ADAMTSL1: variants seen among roughly 807,000 people sequenced by gnomAD.
ADAMTSL1 encodes ADAMTS-like protein 1.
Under a neutral mutation model 201.8 loss-of-function variants are expected in ADAMTSL1, and 126 were observed. That is an observed-to-expected ratio of 0.62 (90% CI 0.54 to 0.72). The LOEUF is 0.72. Ranked by LOEUF, ADAMTSL1 falls within the 30% of genes least tolerant of loss-of-function variation. The probability of loss-of-function intolerance (pLI) is 0.00; values close to 1 mark genes in which losing one functional copy is unlikely to be tolerated. For synonymous variants in ADAMTSL1, 1,121 were observed against 903.4 expected, an observed-to-expected ratio of 1.24 and a Z score of -4.32; for missense variants, 2,679 against 2,277.8, an observed-to-expected ratio of 1.18 and a Z score of -3.59.
intron 2 of ADAMTSL1, among the ~76,000 whole-genome samples, chr9:18,517,989 C>T (rs944840212): frequency 6.6e-6 from 1 of 152,056 alleles, no homozygotes; most frequent in African/African-American, 2.4e-5. Flanking sequence ...TTTGTTCTTT[C>T]CTTCCCTCCT....
At chr9:18,196,626 C>T (rs1829194392) in intron 2 of ADAMTSL1, among the ~76,000 whole-genome samples, 2 of 151,994 alleles carry the variant, frequency 1.3e-5, no homozygotes, top group Non-Finnish European at 2.9e-5. Context: ...TCTTCAAACC[C>T]GATCATCTAT....
At chr9:18,822,593 A>G (rs1824277272) in intron 21 of ADAMTSL1, among the ~76,000 whole-genome samples, 1 of 152,112 alleles carries the variant, frequency 6.6e-6, no homozygotes, top group Non-Finnish European at 1.5e-5. Context: ...ACTGGGGGGA[A>G]CAGAAACTCT....
intron 2 of ADAMTSL1, among the ~76,000 whole-genome samples, chr9:18,306,479 C>G (rs551412775): frequency 9.9e-5 from 15 of 152,156 alleles, no homozygotes; most frequent in African/African-American, 3.6e-4. Flanking sequence ...ACTAGAATAA[C>G]CAGTTTAGAG....
chr9:18,452,498 T>C (rs1443292259), intron 2 of ADAMTSL1, among the ~76,000 whole-genome samples: 1 of 152,154 alleles, frequency 6.6e-6, no homozygotes. Flanking sequence ...CAGAACCAAC[T>C]CAAAAGTCCA....
intron 2 of ADAMTSL1, among the ~76,000 whole-genome samples, chr9:18,308,612 C>CAT (rs202129376): frequency 0.065 from 9,824 of 151,930 alleles, 1,018 homozygotes; most frequent in African/African-American, 0.22. Context: ...TTCCTGGACA[C>CAT]ACACCTTCCC....
chr9:17,937,373 C>A (rs1317061080), intron 1 of ADAMTSL1, among the ~76,000 whole-genome samples: 1 of 151,848 alleles, frequency 6.6e-6, no homozygotes, highest in Admixed American at 6.6e-5. Flanking sequence ...GAATGAAGAC[C>A]TTTCTGCCTT....
chr9:18,129,836 T>G (rs1339584817), intron 1 of ADAMTSL1, among the ~76,000 whole-genome samples: 1 of 152,138 alleles, frequency 6.6e-6, no homozygotes, highest in African/African-American at 2.4e-5. Context: ...AACAAGGAAG[T>G]AGCCTGAGGT....
intron 2 of ADAMTSL1, among the ~76,000 whole-genome samples, chr9:18,242,237 T>G (rs1482435748): frequency 6.6e-6 from 1 of 152,152 alleles, no homozygotes; most frequent in Non-Finnish European, 1.5e-5. Context: ...ATATATCATG[T>G]TAACTGAATG....
intron 1 of ADAMTSL1, among the ~76,000 whole-genome samples, chr9:18,490,272 G>A (rs1288913398): frequency 6.6e-6 from 1 of 152,202 alleles, no homozygotes; most frequent in African/African-American, 2.4e-5. Context: ...CAGACAGGGG[G>A]AACAGAAGGA....
chr9:18,682,166 ATATATT>A (rs1406073885), intron 12 of ADAMTSL1, among the ~76,000 whole-genome samples: 1 of 152,244 alleles, frequency 6.6e-6, no homozygotes, highest in Non-Finnish European at 1.5e-5. Flanking sequence ...ACATGTAGAA[ATATATT>A]TATATAATTA....
intron 2 of ADAMTSL1, among the ~76,000 whole-genome samples, chr9:18,394,135 C>T (rs1322724523): frequency 6.6e-6 from 1 of 151,774 alleles, no homozygotes; most frequent in African/African-American, 2.4e-5. Context: ...GAGATTGTTG[C>T]TTTAACTTTA....
chr9:18,120,798 T>A (rs1333621252), intron 1 of ADAMTSL1, among the ~76,000 whole-genome samples: 1 of 152,208 alleles, frequency 6.6e-6, no homozygotes, highest in Non-Finnish European at 1.5e-5. Context: ...ATATTTCAAA[T>A]GTTTTTAGTC....
At chr9:18,124,360 T>C (rs1440614380) in intron 1 of ADAMTSL1, among the ~76,000 whole-genome samples, 2 of 152,118 alleles carry the variant, frequency 1.3e-5, no homozygotes, top group African/African-American at 4.8e-5. Context: ...GGATTACAGG[T>C]GTGCGCCACC....
intron 4 of ADAMTSL1, among the ~76,000 whole-genome samples, chr9:18,613,680 CAAG>C (rs1825523346): frequency 6.6e-6 from 1 of 151,896 alleles, no homozygotes; most frequent in Non-Finnish European, 1.5e-5. Flanking sequence ...GGGTAAATGA[CAAG>C]AACACATGAA....
chr9:18,255,706 T>C lies in ADAMTSL1; in HGVS notation c.207+91725T>C, dbSNP rs140229765. Reference sequence around the variant, plus strand: ...TGAAAATGAGGACTTTGTCTTTTCATATGCTGTTATTAAATCTTATTTATT... The same window carrying C: ...TGAAAATGAGGACTTTGTCTTTTCACATGCTGTTATTAAATCTTATTTATT... On this transcript the variant is annotated intron_variant, in intron 2 of 29. Transcript: ENST00000680146. Among the ~76,000 whole-genome samples, 7 of 152,340 alleles carry C rather than the reference T, an allele frequency of 4.6e-5. No homozygotes were observed. The East Asian group carries it at 7.7e-4, about 17-fold the overall frequency.
At chr9:18,706,594 T>G (rs1215944411) in intron 13 of ADAMTSL1, 153 bp from the exon 14 acceptor site, 1 of 726,134 alleles carries the variant, frequency 1.4e-6, no homozygotes, top group African/African-American at 1.8e-5. Context: ...TGAACTAAAC[T>G]GAAGCGCCAT....
At position 18,507,280 on chromosome 9, in the gene ADAMTSL1, C is replaced by G. The variant is rs150619050; in HGVS notation, c.191+2324C>G. On this transcript the variant is annotated intron_variant, in intron 2 of 28. Transcript: ENST00000380548. ...TGATATGACCACATTAGCATATTACCTCTGCGCCCTAATGAGTTAAATCTT... is the reference window on the plus strand; with the variant it reads ...TGATATGACCACATTAGCATATTACGTCTGCGCCCTAATGAGTTAAATCTT... 2.2e-4 allele frequency among the ~76,000 whole-genome samples: 34 copies of G among 152,244 alleles called. 1 individual carries two copies. The East Asian group carries it at 5.8e-3, about 26-fold the overall frequency.
intron 1 of ADAMTSL1, among the ~76,000 whole-genome samples, chr9:18,154,130 C>T (rs1040928338): frequency 6.6e-6 from 1 of 151,934 alleles, no homozygotes; most frequent in Middle Eastern, 3.2e-3. Flanking sequence ...GAAAAGCACC[C>T]CTTTTTTGTG....
intron 3 of ADAMTSL1, among the ~76,000 whole-genome samples, chr9:18,541,520 A>G (rs917686899): frequency 6.6e-6 from 1 of 152,180 alleles, no homozygotes; most frequent in African/African-American, 2.4e-5. Flanking sequence ...CAAAGAAAAA[A>G]AAAAAAAATT....
Sources: allele counts gnomAD v4.1 joint callset (sites outside exome capture counted in the v4.1 genomes callset), GRCh38; gene constraint gnomAD v4.1.1; transcripts MANE v1.5; gene names NCBI Gene and HGNC (gene_info 2026-07-23, HGNC 2026-07-21).